TMEM132B: variants seen among roughly 807,000 people sequenced by gnomAD.
TMEM132B encodes transmembrane protein 132B.
In TMEM132B, 18 loss-of-function variants were observed where a neutral mutation model predicts 90.8. That is an observed-to-expected ratio of 0.20 (90% CI 0.14 to 0.29). The LOEUF (loss-of-function observed/expected upper bound fraction) is 0.29. TMEM132B is among the 10% of genes least tolerant of loss of function. The probability of loss-of-function intolerance (pLI) is 1.00; values close to 1 mark genes in which losing one functional copy is unlikely to be tolerated. For missense variants in TMEM132B, 1,096 were observed against 1,326.8 expected (o/e 0.83, Z 2.70); for synonymous variants, 504 against 523.3 (o/e 0.96, Z 0.50).
At chr12:125,624,344 C>T (rs917061784) in intron 5 of TMEM132B, among the ~76,000 whole-genome samples, 7 of 152,254 alleles carry the variant, frequency 4.6e-5, no homozygotes, top group Non-Finnish European at 8.8e-5. Context: ...TGATCCTGGA[C>T]AGCCCACTTC....
intron 1 of TMEM132B, among the ~76,000 whole-genome samples, chr12:125,204,279 A>G (rs112790980): frequency 6.5e-5 from 9 of 137,712 alleles, no homozygotes; most frequent in African/African-American, 2.1e-4. Flanking sequence ...TATGTGGAGT[A>G]TCTCATGAAT....
In TMEM132B at chr12:125,289,291, A is replaced by G. The variant is rs551608445; in HGVS notation, c.68-60161A>G. Among the ~76,000 whole-genome samples the G allele has an allele frequency of 7.2e-5, 11 of 152,318 alleles. No individual in the cohort carries two copies. In the East Asian group the frequency reaches 2.1e-3, roughly 29 times the overall value. On this transcript the variant is annotated intron_variant, in intron 1 of 8. Transcript: ENST00000682704. Reference sequence around the variant, plus strand: ...CAAGAAGGTTCTTCTCTTCTTCCTAAAATGAAGATAGAATTGTTATTTCAA... The same window carrying G: ...CAAGAAGGTTCTTCTCTTCTTCCTAGAATGAAGATAGAATTGTTATTTCAA...
intron 4 of TMEM132B, among the ~76,000 whole-genome samples, chr12:125,533,772 A>T (rs1206980823): frequency 1.3e-5 from 2 of 152,244 alleles, no homozygotes; most frequent in African/African-American, 4.8e-5. Flanking sequence ...GAGTGTGAGC[A>T]AATAAAGGCT....
At chr12:125,574,288 A>G (rs1204328073) in intron 4 of TMEM132B, among the ~76,000 whole-genome samples, 1 of 152,140 alleles carries the variant, frequency 6.6e-6, no homozygotes, top group Admixed American at 6.5e-5. Context: ...TCCCGAGCAC[A>G]TAGCAGATGC....
intron 4 of TMEM132B, among the ~76,000 whole-genome samples, chr12:125,553,217 T>A (rs1884280795): frequency 6.6e-6 from 1 of 152,204 alleles, no homozygotes; most frequent in African/African-American, 2.4e-5. Context: ...CTTTAGGGAA[T>A]GTACTATTTC....
intron 5 of TMEM132B, among the ~76,000 whole-genome samples, chr12:125,634,150 TC>T (rs1434857707): frequency 2.6e-5 from 4 of 152,196 alleles, no homozygotes; most frequent in Non-Finnish European, 5.9e-5. Flanking sequence ...CTAGACGCAG[TC>T]CTTCCCCCTC....
At chr12:125,541,232 C>G (rs1158031800) in intron 4 of TMEM132B, among the ~76,000 whole-genome samples, 1 of 152,226 alleles carries the variant, frequency 6.6e-6, no homozygotes, top group Non-Finnish European at 1.5e-5. Context: ...GCACCTGGAA[C>G]AGCAGCTGAC....
At chr12:125,499,586 G>GC (rs796753083) in intron 3 of TMEM132B, among the ~76,000 whole-genome samples, 4 of 152,260 alleles carry the variant, frequency 2.6e-5, no homozygotes, top group African/African-American at 9.6e-5. Flanking sequence ...CTTATGGAGA[G>GC]CCTATAAGTG....
intron 1 of TMEM132B, among the ~76,000 whole-genome samples, chr12:125,259,613 C>T (rs1874515383): frequency 1.3e-5 from 2 of 152,214 alleles, no homozygotes; most frequent in South Asian, 4.1e-4. Context: ...GGGAACCCTC[C>T]TTAAATGGTT....
At chr12:125,605,156 C>T (rs549918477) in intron 5 of TMEM132B, among the ~76,000 whole-genome samples, 2 of 152,304 alleles carry the variant, frequency 1.3e-5, no homozygotes, top group African/African-American at 2.4e-5. Flanking sequence ...ATTATATCAA[C>T]ACAGCAGACA....
At chr12:125,358,061 A>G (rs1000338179) in intron 2 of TMEM132B, among the ~76,000 whole-genome samples, 4 of 152,072 alleles carry the variant, frequency 2.6e-5, no homozygotes, top group Admixed American at 6.5e-5. Flanking sequence ...TATGTGGCAT[A>G]TCTTTGGTTT....
intron 3 of TMEM132B, among the ~76,000 whole-genome samples, chr12:125,497,405 G>C (rs1882589625): frequency 6.6e-6 from 1 of 152,184 alleles, no homozygotes; most frequent in African/African-American, 2.4e-5. Flanking sequence ...ATTTAGTGTG[G>C]TCTTGACAAG....
In TMEM132B at chr12:125,408,300, C is replaced by T. The variant is rs1340666068; in HGVS notation, c.960-7231C>T. ...GCTAGGGTCTGAACGTCTGTATCCC[C>T]CACAAATTCGCATGTTGAAATTCTT... On this transcript the variant is annotated intron_variant, in intron 2 of 8. Coordinates refer to ENST00000682704, the MANE Select transcript of TMEM132B (RefSeq NM_001366854.1). The surrounding 1 kb of genome is among the most constrained non-coding windows in gnomAD (Gnocchi z 5.9). Among the ~76,000 whole-genome samples the T allele has an allele frequency of 6.6e-6, 1 of 152,132 alleles. No homozygotes were observed. The highest frequency in any genetic ancestry group is 1.5e-5 in the Non-Finnish European group (1 of 68,026).
At chr12:125,614,767 G>A (rs1406085717) in intron 5 of TMEM132B, among the ~76,000 whole-genome samples, 1 of 152,112 alleles carries the variant, frequency 6.6e-6, no homozygotes, top group Non-Finnish European at 1.5e-5. Flanking sequence ...ATCCCATTAT[G>A]GATATATGCT....
chr12:125,213,492 T>C lies in TMEM132B; in HGVS notation c.67+26626T>C, dbSNP rs1224697054. Among the ~76,000 whole-genome samples, 5 of 152,248 alleles carry C rather than the reference T, an allele frequency of 3.3e-5. No individual in the cohort carries two copies. On this transcript the variant is annotated intron_variant, in intron 1 of 8. Transcript: ENST00000682704. This position sits in a 1 kb window ranked among gnomAD's most constrained non-coding sequence, Gnocchi z 4.2. The stretch of plus-strand genomic sequence containing the variant: ...TCTAATGGGAAGCCAACTGGAAAGC[T>C]ATCAGAATTTTGAGCCCGGAGTTCT...
chr12:125,225,269 C>A (rs976689162), intron 1 of TMEM132B, among the ~76,000 whole-genome samples: 5 of 152,232 alleles, frequency 3.3e-5, no homozygotes, highest in Non-Finnish European at 1.5e-5. Context: ...TGAGAGGTTA[C>A]TGGCCACGTA....
chr12:125,618,242 G>A (rs933859319), intron 5 of TMEM132B, among the ~76,000 whole-genome samples: 2 of 152,168 alleles, frequency 1.3e-5, no homozygotes, highest in African/African-American at 2.4e-5. Context: ...GTGAGCTGAC[G>A]TGAGGGTTAT....
At chr12:125,561,017 A>G (rs1306433653) in intron 4 of TMEM132B, among the ~76,000 whole-genome samples, 1 of 152,068 alleles carries the variant, frequency 6.6e-6, no homozygotes, top group East Asian at 1.9e-4. Flanking sequence ...TGATCGCATT[A>G]CCAGTTATAT....
intron 2 of TMEM132B, among the ~76,000 whole-genome samples, chr12:125,365,499 C>G (rs1276479691): frequency 6.6e-6 from 1 of 152,028 alleles, no homozygotes; most frequent in Non-Finnish European, 1.5e-5. Context: ...TTCTGATGTT[C>G]TTCATTCCTT....
Sources: allele counts gnomAD v4.1 joint callset (sites outside exome capture counted in the v4.1 genomes callset), GRCh38; gene constraint gnomAD v4.1.1; non-coding constraint Gnocchi (gnomAD v3.1); transcripts MANE v1.5; gene names NCBI Gene and HGNC (gene_info 2026-07-23, HGNC 2026-07-21).